ALMS1: variants seen among roughly 807,000 people sequenced by gnomAD.
ALMS1 encodes centrosome-associated protein ALMS1.
In ALMS1, 271 loss-of-function variants were observed where a neutral mutation model predicts 352.2. The observed-to-expected ratio is 0.77, with a 90% CI of 0.70 to 0.85. The LOEUF (loss-of-function observed/expected upper bound fraction) is 0.85, where lower values mean the gene tolerates loss of function less well. Among genes scored for constraint, ALMS1 ranks in the 40% least tolerant of loss-of-function variants. The probability of loss-of-function intolerance (pLI) is 0.00; values close to 1 mark genes in which losing one functional copy is unlikely to be tolerated. For missense variants in ALMS1, 5,445 were observed against 4,870.7 expected, an observed-to-expected ratio of 1.12 and a Z score of -3.51; for synonymous variants, 1,865 against 1,761.2, an observed-to-expected ratio of 1.06 and a Z score of -1.48.
At chr2:73,436,687 A>T (rs903016436) in intron 7 of ALMS1, among the ~76,000 whole-genome samples, 23 of 151,636 alleles carry the variant, frequency 1.5e-4, no homozygotes, top group African/African-American at 5.6e-4. Context: ...TGAATTTTTC[A>T]CTTCAGTTAC....
intron 7 of ALMS1, among the ~76,000 whole-genome samples, chr2:73,432,869 T>G (rs1572920076): frequency 6.6e-6 from 1 of 152,190 alleles, no homozygotes; most frequent in African/African-American, 2.4e-5. Context: ...AACTGAATTA[T>G]ATGGAGGAGT....
intron 21 of ALMS1, among the ~76,000 whole-genome samples, chr2:73,605,653 GGCCAACATGGTGAAAGACTTCTC>G (rs1411733156): frequency 9.2e-5 from 14 of 152,058 alleles, no homozygotes; most frequent in Non-Finnish European, 1.8e-4. Context: ...GTTCAAGCCT[GGCCAACATGGTGAAAGACTTCTC>G]TACTAAAACT....
intron 9 of ALMS1, among the ~76,000 whole-genome samples, chr2:73,488,169 A>G (rs551604984): frequency 1.3e-4 from 20 of 152,140 alleles, no homozygotes; most frequent in Non-Finnish European, 2.4e-4. Context: ...TACGGTACCC[A>G]TGGCACACCC....
chr2:73,427,682 C>T (rs889748398), intron 6 of ALMS1, among the ~76,000 whole-genome samples: 9 of 152,072 alleles, frequency 5.9e-5, no homozygotes, highest in Non-Finnish European at 1.0e-4. Context: ...GTTCCCCTCC[C>T]TGTGTCATTC....
intron 10 of ALMS1, among the ~76,000 whole-genome samples, chr2:73,517,655 T>A (rs1334764762): frequency 6.6e-6 from 1 of 152,036 alleles, no homozygotes; most frequent in Non-Finnish European, 1.5e-5. Flanking sequence ...TTTCATTTTA[T>A]TTTTATTTTT....
At chr2:73,406,552 T>C (rs2103670596) in intron 1 of ALMS1, among the ~76,000 whole-genome samples, 1 of 152,248 alleles carries the variant, frequency 6.6e-6, no homozygotes, top group Non-Finnish European at 1.5e-5. Context: ...TTGATTCTCT[T>C]ATTTCCTTTT....
At chr2:73,576,976 T>G (rs999763115) in intron 16 of ALMS1, among the ~76,000 whole-genome samples, 2 of 152,180 alleles carry the variant, frequency 1.3e-5, no homozygotes, top group Non-Finnish European at 2.9e-5. Context: ...TAATCATATT[T>G]TGAACCAACT....
At chr2:73,534,337 T>A (rs747198692) in intron 11 of ALMS1, among the ~76,000 whole-genome samples, 8 of 152,236 alleles carry the variant, frequency 5.3e-5, no homozygotes, top group Non-Finnish European at 1.2e-4. Flanking sequence ...TAGATGAGAA[T>A]TAGACTTATT....
chr2:73,572,560 T>C lies in ALMS1; in HGVS notation c.10683T>C (p.Asp3561=), dbSNP rs1357578376. 1 of 1,613,874 alleles carries C rather than the reference T, an allele frequency of 6.2e-7. No homozygotes were observed. The highest frequency in any genetic ancestry group is 1.7e-5 in the Admixed American group (1 of 59,982). ...ATTTGGGAAACAAAGAAGTGATGGA[T>C]ACTACTAAAAGTCAAGTTAGAGATT... is the stretch of plus-strand genomic sequence containing the variant. The part of the protein sequence containing the change: ...NVNLGNKEVM[D]TTKSQVRDYP... Residue 3561 remains aspartate (D), a synonymous_variant, in exon 16 of 23, where the codon GAT becomes GAC. Coordinates refer to ENST00000613296, the MANE Select transcript of ALMS1 (RefSeq NM_001378454.1).
chr2:73,552,583 G>A (rs1220984192), intron 13 of ALMS1, among the ~76,000 whole-genome samples: 1 of 152,208 alleles, frequency 6.6e-6, no homozygotes, highest in Non-Finnish European at 1.5e-5. Flanking sequence ...TTGAAATAAA[G>A]TCAGGCTCAG....
In ALMS1 at chr2:73,452,123, C is replaced by T; in HGVS notation, c.5596C>T (p.Pro1866Ser). The T allele has an allele frequency of 6.2e-7, 1 of 1,608,560 alleles. No individual in the cohort carries two copies. The highest frequency in any genetic ancestry group is 1.1e-5 in the South Asian group (1 of 90,810). The change falls in exon 8 of 23, where the codon CCA becomes TCA. Residue 1866 changes from proline to serine, a missense_variant. Pro to Ser is a moderately conservative substitution (Grantham distance 74). Transcript: ENST00000613296. The part of the protein sequence containing the change: ...HSVISYEQEL[P>S]DLTEVTLKAI... Reference sequence around the variant, plus strand: ...TGTCATTTCTTATGAGCAGGAGTTGCCAGATCTTACTGAAGTAACTTTGAA... The same window carrying T: ...TGTCATTTCTTATGAGCAGGAGTTGTCAGATCTTACTGAAGTAACTTTGAA...
chr2:73,577,360 T>A (rs530679935), intron 16 of ALMS1, among the ~76,000 whole-genome samples: 4 of 152,300 alleles, frequency 2.6e-5, no homozygotes, highest in East Asian at 3.9e-4. Flanking sequence ...TCTTCTTGAG[T>A]CAGTTTCTGT....
At position 73,601,349 on chromosome 2, in the gene ALMS1, G is replaced by A. The variant is rs1406016543; in HGVS notation, c.12027G>A (p.Gln4009=). 3 of 1,614,234 alleles carry A rather than the reference G, an allele frequency of 1.9e-6. No individual in the cohort carries two copies. Among genetic ancestry groups the A allele is most frequent in the African/African-American group, 2.7e-5 (2 of 75,062 alleles). The part of the protein sequence containing the change: ...EPLREQNCQG[Q]HLDGRGYLAG... ...TGCGGGAGCAGAACTGTCAGGGGCA[G>A]CACCTGGACGGTCGGGGCTACCTGG... The change falls in exon 19 of 23, where the codon CAG becomes CAA. Residue 4009 remains glutamine, a synonymous_variant. Transcript: ENST00000613296.
At chr2:73,536,504 A>G (rs1674031473) in intron 12 of ALMS1, among the ~76,000 whole-genome samples, 1 of 152,098 alleles carries the variant, frequency 6.6e-6, no homozygotes, top group African/African-American at 2.4e-5. Context: ...GTTTTCATCT[A>G]TTCTGAGAGT....
At position 73,408,896 on chromosome 2, in the gene ALMS1, A is replaced by G. The variant is rs1222097595; in HGVS notation, c.450+149A>G. The G allele has an allele frequency of 2.5e-5, 17 of 677,866 alleles. No homozygotes were observed. In the African/African-American group the frequency reaches 3.5e-4, roughly 14 times the overall value. The allele number at this position is 677,866 out of a possible 1,614,324, so 42.0% of individuals were successfully genotyped here. On this transcript the variant is annotated intron_variant, in intron 2 of 22. Transcript: ENST00000613296. ...TTTTTTTTTTTTTTTTTTTTAAGAC[A>G]GGGTCTCACTCTGTCACCCAGGCTG...
chr2:73,481,754 G>C (rs1672710165), intron 9 of ALMS1, among the ~76,000 whole-genome samples: 1 of 151,386 alleles, frequency 6.6e-6, no homozygotes, highest in Non-Finnish European at 1.5e-5. Flanking sequence ...TTATTTCCTT[G>C]AGTAGTGGTT....
At position 73,452,151 on chromosome 2, in the gene ALMS1, C is replaced by T; in HGVS notation, c.5624C>T (p.Ala1875Val). The T allele has an allele frequency of 6.2e-7, 1 of 1,607,726 alleles. No individual in the cohort carries two copies. Among genetic ancestry groups the T allele is most frequent in the Non-Finnish European group, 8.5e-7 (1 of 1,176,274 alleles). Residue 1875 changes from alanine to valine, a missense_variant, in exon 8 of 23, where the codon GCA becomes GTA. Physicochemically the swap from Ala to Val is moderately conservative, Grantham distance 64 (BLOSUM62 0). Coordinates refer to ENST00000613296, the MANE Select transcript of ALMS1 (RefSeq NM_001378454.1). ...GATCTTACTGAAGTAACTTTGAAAGCAATAGGGGTTCCTGGGCCTGCTGAC... is the reference window on the plus strand; with the variant it reads ...GATCTTACTGAAGTAACTTTGAAAGTAATAGGGGTTCCTGGGCCTGCTGAC... The part of the protein sequence containing the change: ...LPDLTEVTLK[A>V]IGVPGPADQK...
chr2:73,538,811 C>G (rs1674091115), intron 12 of ALMS1, among the ~76,000 whole-genome samples: 1 of 152,226 alleles, frequency 6.6e-6, no homozygotes, highest in South Asian at 2.1e-4. Context: ...TGAGATCAAA[C>G]TGCAAGGCGG....
At chr2:73,563,398 A>G (rs775093204) in intron 15 of ALMS1, among the ~76,000 whole-genome samples, 29 of 152,272 alleles carry the variant, frequency 1.9e-4, no homozygotes, top group South Asian at 6.2e-4. Flanking sequence ...CAGGAGCTCA[A>G]TCAATAAGGA....
Sources: allele counts gnomAD v4.1 joint callset (sites outside exome capture counted in the v4.1 genomes callset), GRCh38; gene constraint gnomAD v4.1.1; transcripts MANE v1.5; gene names NCBI Gene and HGNC (gene_info 2026-07-23, HGNC 2026-07-21).